The following ARVCF variants were observed in gnomAD, a reference collection of about 807,000 sequenced individuals.
The protein encoded by ARVCF is splicing regulator ARVCF.
In ARVCF, 66 loss-of-function variants were observed where a neutral mutation model predicts 90.9. The ratio of observed to expected loss-of-function variants is 0.73; its 90% CI spans 0.60 to 0.89. The LOEUF is 0.89. Among genes scored for constraint, ARVCF ranks in the 40% least tolerant of loss-of-function variants. The pLI is 0.00. For missense variants in ARVCF, 1,469 were observed against 1,382.3 expected, an observed-to-expected ratio of 1.06 and a Z score of -1.00; for synonymous variants, 653 against 603.4, an observed-to-expected ratio of 1.08 and a Z score of -1.21.
chr22:19,981,660 C>A lies in ARVCF; in HGVS notation c.447G>T (p.Leu149=), dbSNP rs746801259. Residue 149 remains leucine (L), a synonymous_variant, in exon 5 of 20, where the codon CTG becomes CTT. Coordinates refer to ENST00000263207, the MANE Select transcript of ARVCF (RefSeq NM_001670.3). ...AAGGGCCTAGTGGGGGGCCGCCATC[C>A]AGCAGGGGGAGTCCATCTGGGCCCA... ...VPVGPDGLPL[L]DGGPPLGPFA... is the part of the protein sequence containing the mutation. The A allele has an allele frequency of 6.2e-7, 1 of 1,608,908 alleles. No homozygotes were observed. The highest frequency in any genetic ancestry group is 8.5e-7 in the Non-Finnish European group (1 of 1,178,626).
rs368625277 is a variant in ARVCF at position 19,981,687 on chromosome 22, G to A, written c.420C>T (p.Pro140=). The A allele has an allele frequency of 1.6e-4, 262 of 1,600,948 alleles. No individual in the cohort carries two copies. The highest frequency in any genetic ancestry group is 4.3e-4 in the Admixed American group (25 of 58,714). ...GCAGGGGGAGTCCATCTGGGCCCACGGGCACCTGGCGTACTGTCCGAGTGG... is the reference window on the plus strand; with the variant it reads ...GCAGGGGGAGTCCATCTGGGCCCACAGGCACCTGGCGTACTGTCCGAGTGG... ...TVTTRTVRQV[P]VGPDGLPLLD... Residue 140 remains proline (P), a synonymous_variant, in exon 5 of 20, where the codon CCC becomes CCT. Coordinates refer to ENST00000263207, the MANE Select transcript of ARVCF (RefSeq NM_001670.3).
downstream of ARVCF, chr22:19,967,013 A>C (rs534926620): frequency 4.1e-6 from 4 of 985,358 alleles, no homozygotes; most frequent in African/African-American, 3.5e-5. Flanking sequence ...AGCTGGTAGG[A>C]GGCTTGCAGT....
intron 11 of ARVCF, among the ~76,000 whole-genome samples, chr22:19,974,885 G>A (rs767431169): frequency 7.2e-5 from 11 of 152,286 alleles, no homozygotes; most frequent in Non-Finnish European, 1.5e-4. Context: ...GCTCTGCCCA[G>A]TGCTCCAGAA....
In ARVCF at chr22:19,991,518, A is replaced by G. The variant is rs191267581; in HGVS notation, c.-18-706T>C. 9.3e-3 allele frequency among the ~76,000 whole-genome samples: 1,413 copies of G among 152,336 alleles called. 9 individuals carry two copies. Among genetic ancestry groups the G allele is most frequent in the Non-Finnish European group, 0.015 (1,001 of 68,016 alleles). ...GGCTGGGACTGCATGAAGTTAAGAG[A>G]CCATAAGCCTGAAGTGGCTGGTGTG... On this transcript the variant is annotated intron_variant, in intron 2 of 19. Coordinates refer to ENST00000263207, the MANE Select transcript of ARVCF (RefSeq NM_001670.3).
intron 2 of ARVCF, among the ~76,000 whole-genome samples, chr22:19,997,528 C>T (rs1409482330): frequency 2.6e-5 from 4 of 152,190 alleles, no homozygotes; most frequent in African/African-American, 9.7e-5. Flanking sequence ...CAAAACAGCC[C>T]CCAATGCCCT....
intron 3 of ARVCF, chr22:19,983,660 G>GT (rs1943617775): frequency 6.6e-6 from 1 of 152,378 alleles, no homozygotes; most frequent in African/African-American, 2.4e-5. Flanking sequence ...CTGGCAGGGG[G>GT]AAGAGGATTT....
intron 3 of ARVCF, among the ~76,000 whole-genome samples, chr22:19,985,449 G>A (rs970550823): frequency 3.9e-5 from 6 of 152,214 alleles, no homozygotes; most frequent in African/African-American, 1.2e-4. Context: ...AGAGGGTCCC[G>A]GGAACACAGG....
intron 3 of ARVCF, among the ~76,000 whole-genome samples, chr22:19,985,724 G>A (rs970128907): frequency 2.8e-5 from 4 of 144,492 alleles, no homozygotes; most frequent in Admixed American, 1.4e-4. Context: ...GATGCACCAC[G>A]GTCTGTGTCC....
Position 19,969,964 on chromosome 22 carries a change from G to A in ARVCF, c.*792C>T. ...GGTGTTTACCAATAGTCTTATTTTG[G>A]CTTATTTTTAATGCTTTTTCTCAGT... On this transcript the variant is annotated 3_prime_UTR_variant, in exon 20 of 20. Transcript: ENST00000263207. 2 of 985,602 alleles carry A rather than the reference G, an allele frequency of 2.0e-6. No individual in the cohort carries two copies. Among genetic ancestry groups the A allele is most frequent in the Non-Finnish European group, 2.4e-6 (2 of 829,938 alleles). The allele number at this position is 985,602 out of a possible 1,614,324, so 61.1% of individuals were successfully genotyped here. A position where few individuals can be genotyped will look rare whatever the true frequency, so the allele number is the denominator to read the frequency against.
chr22:19,987,131 G>A (rs7292055), intron 3 of ARVCF: 175,427 of 498,404 alleles, frequency 0.35, 32,855 homozygotes, highest in African/African-American at 0.54. Flanking sequence ...AGCAGCGGGG[G>A]AGGCGGTGGC....
At chr22:20,014,219 G>C (rs1205707892) in intron 1 of ARVCF, among the ~76,000 whole-genome samples, 3 of 151,438 alleles carry the variant, frequency 2.0e-5, no homozygotes, top group Non-Finnish European at 4.4e-5. Flanking sequence ...TTTGGAGATA[G>C]AGTCTCGCTC....
chr22:20,013,998 C>A (rs139601437), intron 1 of ARVCF, among the ~76,000 whole-genome samples: 5 of 151,798 alleles, frequency 3.3e-5, no homozygotes, highest in African/African-American at 1.2e-4. Flanking sequence ...TCAGTCTCCC[C>A]AGCAGCTGGG....
chr22:19,982,438 C>T (rs982891262), intron 3 of ARVCF, among the ~76,000 whole-genome samples: 1 of 152,134 alleles, frequency 6.6e-6, no homozygotes, highest in Non-Finnish European at 1.5e-5. Context: ...AGCTGCATGG[C>T]CTGGCTGCCA....
chr22:20,004,406 T>C (rs2146462369), intron 2 of ARVCF, among the ~76,000 whole-genome samples: 1 of 151,754 alleles, frequency 6.6e-6, no homozygotes, highest in East Asian at 1.9e-4. Context: ...AAGAACTGCT[T>C]GAACCCAGGG....
intron 2 of ARVCF, among the ~76,000 whole-genome samples, chr22:19,998,670 A>T (rs1944340644): frequency 6.6e-6 from 1 of 152,126 alleles, no homozygotes. Context: ...GATAAGTGGA[A>T]AACAGCACTG....
chr22:19,995,882 C>T (rs1054636847), intron 2 of ARVCF, among the ~76,000 whole-genome samples: 11 of 152,146 alleles, frequency 7.2e-5, no homozygotes, highest in African/African-American at 2.4e-4. Context: ...GAAATGATGC[C>T]AGAAGTGCCC....
intron 2 of ARVCF, among the ~76,000 whole-genome samples, chr22:20,009,896 C>T (rs775407914): frequency 6.6e-6 from 1 of 152,252 alleles, no homozygotes; most frequent in Non-Finnish European, 1.5e-5. Flanking sequence ...GGGCTGTCTG[C>T]AGCCATTTTC....
downstream of ARVCF, chr22:19,968,884 T>C (rs1942587197): frequency 5.2e-5 from 36 of 696,444 alleles, no homozygotes; most frequent in South Asian, 5.5e-4. Context: ...CATGCTAACC[T>C]CTCTGAACTG....
Position 19,973,023 on chromosome 22 carries a change from C to A in ARVCF, c.2452G>T (p.Glu818Ter). Residue 818 changes from glutamate to a stop codon, truncating the protein, a stop_gained, in exon 15 of 20, where the codon GAA becomes TAA. Transcript: ENST00000263207. LOFTEE classifies it high-confidence loss of function. ...AGCACGTGTGACGCCGCCTTCGCTT[C>A]GCGTACCGATTGGCTGTGGGGCCGG... is the stretch of plus-strand genomic sequence containing the variant. ...ALVASSQSVR[E>*]AKAASHVLQT... 3 of 1,613,220 alleles carry A rather than the reference C, an allele frequency of 1.9e-6. No individual in the cohort carries two copies. Among genetic ancestry groups the A allele is most frequent in the Non-Finnish European group, 2.5e-6 (3 of 1,179,996 alleles).
Sources: allele counts gnomAD v4.1 joint callset (sites outside exome capture counted in the v4.1 genomes callset), GRCh38; gene constraint gnomAD v4.1.1; transcripts MANE v1.5; gene names NCBI Gene and HGNC (gene_info 2026-07-23, HGNC 2026-07-21).